CATSPERT: variants seen among roughly 807,000 people sequenced by gnomAD.
CATSPERT encodes catsper channel auxiliary subunit tau, also known as cation channel sperm-associated targeting subunit tau.
the CATSPERT span, among the ~76,000 whole-genome samples, chr2:201,548,553 A>G: frequency 1.3e-5 from 2 of 152,216 alleles, no homozygotes; most frequent in South Asian, 2.1e-4. Flanking sequence ...ATACATATAC[A>G]ATATCTTCCA....
At chr2:201,574,179 A>T in the CATSPERT span, 1 of 1,512,668 alleles carries the variant, frequency 6.6e-7, no homozygotes, top group Non-Finnish European at 9.0e-7. Flanking sequence ...GAGTTACAAC[A>T]GAATAATCTT....
At chr2:201,566,292 T>TG in the CATSPERT span, among the ~76,000 whole-genome samples, 2 of 151,848 alleles carry the variant, frequency 1.3e-5, no homozygotes, top group African/African-American at 2.4e-5. Flanking sequence ...TGTGCCATGT[T>TG]GTGTGCTGCA....
At chr2:201,536,207 T>C in the CATSPERT span, 1 of 1,613,558 alleles carries the variant, frequency 6.2e-7, no homozygotes, top group Non-Finnish European at 8.5e-7. Flanking sequence ...AGTGCACTTC[T>C]GTGGGTGAAG....
At chr2:201,604,937 TTTG>T in the CATSPERT span, among the ~76,000 whole-genome samples, 799 of 152,190 alleles carry the variant, frequency 5.3e-3, 3 homozygotes, top group Non-Finnish European at 9.0e-3. Flanking sequence ...AGTTCTTCAG[TTTG>T]TTAAGAAATT....
chr2:201,587,826 C>T, the CATSPERT span, among the ~76,000 whole-genome samples: 1 of 151,882 alleles, frequency 6.6e-6, no homozygotes, highest in Non-Finnish European at 1.5e-5. Context: ...TGCCACTGAC[C>T]CCACAAAAAT....
At chr2:201,490,217 G>A in the CATSPERT span, among the ~76,000 whole-genome samples, 16 of 152,180 alleles carry the variant, frequency 1.1e-4, 1 homozygote, top group Admixed American at 9.2e-4. Context: ...CTCAGCACAT[G>A]ATATAGCATG....
the CATSPERT span, chr2:201,492,231 A>T: frequency 1.3e-6 from 2 of 1,518,998 alleles, no homozygotes; most frequent in Non-Finnish European, 1.8e-6. Flanking sequence ...AGTCATCTCT[A>T]AAAGGTAAAT....
At chr2:201,569,670 C>T in the CATSPERT span, among the ~76,000 whole-genome samples, 63,409 of 151,872 alleles carry the variant, frequency 0.42, 13,789 homozygotes, top group East Asian at 0.74. Context: ...CATGGTAAAA[C>T]GTGTGTCTTC....
chr2:201,534,070 A>G, the CATSPERT span, among the ~76,000 whole-genome samples: 1 of 151,758 alleles, frequency 6.6e-6, no homozygotes, highest in Non-Finnish European at 1.5e-5. Flanking sequence ...CTATCTATCT[A>G]TCTATCTATC....
the CATSPERT span, chr2:201,601,769 CTTAA>C: frequency 8.1e-6 from 13 of 1,611,246 alleles, no homozygotes; most frequent in Non-Finnish European, 9.3e-6. Context: ...CTTCATCGAA[CTTAA>C]TTACAGTGTT....
the CATSPERT span, among the ~76,000 whole-genome samples, chr2:201,540,670 C>T: frequency 6.6e-6 from 1 of 152,182 alleles, no homozygotes; most frequent in Non-Finnish European, 1.5e-5. Flanking sequence ...TGACAATGCA[C>T]CTGGTCATCC....
chr2:201,565,211 A>G, the CATSPERT span, among the ~76,000 whole-genome samples: 2 of 152,104 alleles, frequency 1.3e-5, no homozygotes, highest in African/African-American at 4.8e-5. Context: ...GCTAGGCACA[A>G]TGAAATCCCA....
the CATSPERT span, among the ~76,000 whole-genome samples, chr2:201,570,681 C>T: frequency 2.6e-5 from 4 of 152,028 alleles, no homozygotes; most frequent in African/African-American, 9.7e-5. Flanking sequence ...CGTATCTTGC[C>T]CCTGCCAACT....
the CATSPERT span, among the ~76,000 whole-genome samples, chr2:201,587,781 C>T: frequency 6.7e-6 from 1 of 149,406 alleles, no homozygotes; most frequent in Non-Finnish European, 1.5e-5. Context: ...CTTCTGGATT[C>T]AAATAAAGAC....
At chr2:201,535,961 TGTTGGAGATGAATCTAA>T in the CATSPERT span, 1 of 1,597,410 alleles carries the variant, frequency 6.3e-7, no homozygotes, top group Admixed American at 1.7e-5. Context: ...AGCTAATTTC[TGTTGGAGATGAATCTAA>T]GTTCCTGCTC....
At chr2:201,595,028 C>T in the CATSPERT span, among the ~76,000 whole-genome samples, 3 of 152,266 alleles carry the variant, frequency 2.0e-5, no homozygotes, top group Admixed American at 6.5e-5. Context: ...TGAGGAACTG[C>T]GTTCCTTTGG....
chr2:201,593,308 A>C, the CATSPERT span, among the ~76,000 whole-genome samples: 386 of 151,370 alleles, frequency 2.6e-3, 2 homozygotes, highest in African/African-American at 8.5e-3. Context: ...GAGATTCTTA[A>C]TCCTGAGTTC....
the CATSPERT span, chr2:201,574,203 A>G: frequency 6.3e-7 from 1 of 1,596,936 alleles, no homozygotes; most frequent in Non-Finnish European, 8.5e-7. Flanking sequence ...AAAGAGGGGA[A>G]CTAACCTGAT....
chr2:201,564,028 G>T, the CATSPERT span, among the ~76,000 whole-genome samples: 1 of 152,156 alleles, frequency 6.6e-6, no homozygotes, highest in Non-Finnish European at 1.5e-5. Context: ...CAGAGTCCAG[G>T]GCTTGTTGGG....
Sources: gnomAD v4.1 joint callset for allele counts (sites outside exome capture counted in the v4.1 genomes callset) on GRCh38, gnomAD v4.1.1 for gene constraint, MANE v1.5 for transcripts, NCBI Gene and HGNC (gene_info 2026-07-23, HGNC 2026-07-21) for gene names.